Variants in RXFP1 observed in about 807,000 individuals in gnomAD.
The protein encoded by RXFP1 is relaxin receptor 1.
Under a neutral mutation model 89.8 loss-of-function variants are expected in RXFP1, and 73 were observed. The ratio of observed to expected loss-of-function variants is 0.81; its 90% CI spans 0.67 to 0.99. The LOEUF (loss-of-function observed/expected upper bound fraction) is 0.99, where lower values mean the gene tolerates loss of function less well. Among genes scored for constraint, RXFP1 ranks in the 50% least tolerant of loss-of-function variants. The pLI is 0.00. For synonymous variants in RXFP1, 277 were observed against 305.5 expected (o/e 0.91, Z 0.97); for missense variants, 793 against 895.5 (o/e 0.89, Z 1.46).
intron 1 of RXFP1, among the ~76,000 whole-genome samples, chr4:158,541,350 G>GCACACACACACACACACACACACACACA (rs58856633): frequency 7.2e-6 from 1 of 139,794 alleles, no homozygotes; most frequent in African/African-American, 2.7e-5. Context: ...AGAGCTTCAT[G>GCACACACACACACACACACACACACACA]CACACACACA....
intron 1 of RXFP1, among the ~76,000 whole-genome samples, chr4:158,561,626 C>CTTTTTTTTTT (rs70962615): frequency 4.1e-4 from 46 of 112,576 alleles, no homozygotes; most frequent in African/African-American, 6.9e-4. Context: ...TTCTTTTTTT[C>CTTTTTTTTTT]TTTTTTTTTT....
chr4:158,643,912 T>G (rs935553810), intron 14 of RXFP1, among the ~76,000 whole-genome samples: 1 of 152,192 alleles, frequency 6.6e-6, no homozygotes, highest in African/African-American at 2.4e-5. Context: ...CTTTTTGGTC[T>G]TTTTGATAAT....
chr4:158,546,106 T>C (rs533714643), intron 1 of RXFP1, among the ~76,000 whole-genome samples: 1 of 152,138 alleles, frequency 6.6e-6, no homozygotes, highest in Non-Finnish European at 1.5e-5. Flanking sequence ...TCCATTTGTT[T>C]GTATCCTCTT....
intron 1 of RXFP1, among the ~76,000 whole-genome samples, chr4:158,571,620 C>A (rs146202416): frequency 0.01 from 1,550 of 152,138 alleles, 25 homozygotes; most frequent in African/African-American, 0.035. Context: ...CAAGATTGTG[C>A]CGTGGCACTC....
intron 4 of RXFP1, among the ~76,000 whole-genome samples, chr4:158,604,456 A>G (rs1456394920): frequency 6.6e-6 from 1 of 152,206 alleles, no homozygotes; most frequent in Non-Finnish European, 1.5e-5. Context: ...AAAACAAAAA[A>G]TTAAGGACTT....
chr4:158,637,597 C>G (rs1379554178), intron 12 of RXFP1, among the ~76,000 whole-genome samples: 1 of 152,052 alleles, frequency 6.6e-6, no homozygotes, highest in Non-Finnish European at 1.5e-5. Context: ...TGTTTTCTTG[C>G]TGAGTTGTTT....
chr4:158,596,829 A>G (rs1307164316), intron 3 of RXFP1, among the ~76,000 whole-genome samples: 1 of 152,204 alleles, frequency 6.6e-6, no homozygotes, highest in African/African-American at 2.4e-5. Flanking sequence ...CATAACTTTC[A>G]TAGTTTGTAA....
At chr4:158,573,103 G>A (rs186841996) in intron 2 of RXFP1, 294 of 260,624 alleles carry the variant, frequency 1.1e-3, no homozygotes, top group African/African-American at 6.2e-3. Flanking sequence ...CTGCCTCCTG[G>A]GTTCAAGTGA....
intron 1 of RXFP1, among the ~76,000 whole-genome samples, chr4:158,546,682 G>C (rs1183618972): frequency 6.6e-6 from 1 of 152,144 alleles, no homozygotes; most frequent in African/African-American, 2.4e-5. Flanking sequence ...TTTTGTCAAA[G>C]GCCTTTTCTG....
intron 1 of RXFP1, among the ~76,000 whole-genome samples, chr4:158,538,376 T>C (rs1039220903): frequency 2.0e-5 from 3 of 152,116 alleles, no homozygotes; most frequent in Non-Finnish European, 2.9e-5. Context: ...AGATGAGAAG[T>C]TGACTCATTT....
chr4:158,543,361 G>A (rs931102680), intron 1 of RXFP1, among the ~76,000 whole-genome samples: 1 of 152,204 alleles, frequency 6.6e-6, no homozygotes, highest in East Asian at 1.9e-4. Context: ...TTTTCCTCCA[G>A]TTACCAGGAA....
intron 1 of RXFP1, among the ~76,000 whole-genome samples, chr4:158,523,173 A>G (rs1579303378): frequency 6.6e-6 from 1 of 152,330 alleles, no homozygotes. Flanking sequence ...GCAAACCACC[A>G]TAAAAAATGT....
chr4:158,530,123 A>G (rs534123552), intron 1 of RXFP1, among the ~76,000 whole-genome samples: 1 of 152,382 alleles, frequency 6.6e-6, no homozygotes, highest in Non-Finnish European at 1.5e-5. Context: ...TACAGAGTTT[A>G]AATTAAAACA....
At chr4:158,616,672 A>G (rs1764638472) in intron 8 of RXFP1, among the ~76,000 whole-genome samples, 1 of 149,502 alleles carries the variant, frequency 6.7e-6, no homozygotes, top group Non-Finnish European at 1.5e-5. Flanking sequence ...AATTAAATAT[A>G]GTTAGATTAT....
chr4:158,587,176 G>C (rs1758454753), intron 2 of RXFP1, among the ~76,000 whole-genome samples: 1 of 152,190 alleles, frequency 6.6e-6, no homozygotes, highest in Admixed American at 6.5e-5. Context: ...GGCCCTGGTA[G>C]GCTGCAAGGT....
At chr4:158,607,159 T>C (rs1374551694) in intron 5 of RXFP1, 23 of 1,479,316 alleles carry the variant, frequency 1.6e-5, no homozygotes, top group Admixed American at 2.0e-5. Context: ...TGCAAAACTT[T>C]GTGTGGGTGC....
At chr4:158,530,743 C>T (rs1435801706) in intron 1 of RXFP1, among the ~76,000 whole-genome samples, 7 of 152,128 alleles carry the variant, frequency 4.6e-5, no homozygotes, top group African/African-American at 1.7e-4. Context: ...GCAGTCGTTA[C>T]CCCTGATCCT....
At chr4:158,611,633 C>A (rs1288920524) in intron 6 of RXFP1, among the ~76,000 whole-genome samples, 3 of 152,158 alleles carry the variant, frequency 2.0e-5, no homozygotes, top group East Asian at 3.9e-4. Flanking sequence ...TGTCTTCATC[C>A]AAGACTCTTC....
At chr4:158,584,317 C>T (rs1413905456) in intron 2 of RXFP1, among the ~76,000 whole-genome samples, 1 of 151,912 alleles carries the variant, frequency 6.6e-6, no homozygotes, top group Admixed American at 6.6e-5. Context: ...CCCTGTAATC[C>T]CAGCTACTCA....
Sources: gnomAD v4.1 joint callset for allele counts (sites outside exome capture counted in the v4.1 genomes callset) on GRCh38, gnomAD v4.1.1 for gene constraint, MANE v1.5 for transcripts, NCBI Gene and HGNC (gene_info 2026-07-23, HGNC 2026-07-21) for gene names.